Variants in CDH13 observed in about 807,000 individuals in gnomAD.
CDH13 encodes the protein cadherin 13.
Under a neutral mutation model 63.8 loss-of-function variants are expected in CDH13, and 24 were observed. The ratio of observed to expected loss-of-function variants is 0.38; its 90% CI spans 0.27 to 0.53. CDH13 has a LOEUF of 0.53. Ranked by LOEUF, CDH13 falls within the 20% of genes least tolerant of loss-of-function variation. The pLI, the probability that CDH13 is intolerant of heterozygous loss-of-function variation, is 0.85. For synonymous variants in CDH13, 503 were observed against 355.3 expected (o/e 1.42, Z -4.67); for missense variants, 1,049 against 903.1 (o/e 1.16, Z -2.07).
chr16:82,813,239 C>T (rs963283857), intron 1 of CDH13, among the ~76,000 whole-genome samples: 2 of 150,278 alleles, frequency 1.3e-5, no homozygotes, highest in African/African-American at 4.9e-5. Context: ...GGGCTCTGGA[C>T]AATAAAAAAA....
chr16:83,362,318 G>A (rs550196554), intron 6 of CDH13, among the ~76,000 whole-genome samples: 6 of 152,314 alleles, frequency 3.9e-5, no homozygotes, highest in South Asian at 2.1e-4. Context: ...TCACAGCCGC[G>A]TGTATGAGCT....
chr16:82,973,662 C>A (rs551836074), intron 2 of CDH13, among the ~76,000 whole-genome samples: 2 of 152,148 alleles, frequency 1.3e-5, no homozygotes, highest in African/African-American at 4.8e-5. Context: ...GAGGCTGCAG[C>A]GGGTCAAGGA....
intron 13 of CDH13, among the ~76,000 whole-genome samples, chr16:83,794,738 G>C (rs1414220096): frequency 6.6e-6 from 1 of 152,026 alleles, no homozygotes; most frequent in Non-Finnish European, 1.5e-5. Flanking sequence ...GAGAGACAAA[G>C]ACATAAGGCT....
chr16:83,537,646 GAA>G (rs11363624), intron 7 of CDH13, among the ~76,000 whole-genome samples: 1 of 151,192 alleles, frequency 6.6e-6, no homozygotes, highest in Non-Finnish European at 1.5e-5. Flanking sequence ...TGTTCTACAG[GAA>G]AAAAAAAGTG....
chr16:83,244,089 G>C (rs1430447067), intron 5 of CDH13, among the ~76,000 whole-genome samples: 2 of 151,842 alleles, frequency 1.3e-5, no homozygotes, highest in Non-Finnish European at 2.9e-5. Context: ...CGAGCTTTCT[G>C]CTTGGTGAAG....
intron 2 of CDH13, among the ~76,000 whole-genome samples, chr16:83,014,171 A>G (rs1324399589): frequency 1.3e-5 from 2 of 152,140 alleles, no homozygotes; most frequent in Non-Finnish European, 2.9e-5. Flanking sequence ...AATTGCCGAT[A>G]TTATAAAACA....
chr16:83,525,912 G>A (rs1403573822), intron 7 of CDH13, among the ~76,000 whole-genome samples: 2 of 152,154 alleles, frequency 1.3e-5, no homozygotes, highest in Non-Finnish European at 2.9e-5. Context: ...AAGGAACATG[G>A]GCAGTCCCAA....
intron 5 of CDH13, among the ~76,000 whole-genome samples, chr16:83,232,546 AAACAAAC>A (rs746533819): frequency 4.0e-5 from 4 of 99,192 alleles, no homozygotes; most frequent in Admixed American, 8.9e-5. Context: ...CAACAACAAC[AAACAAAC>A]AAAAAAAAAA....
chr16:83,518,951 T>G (rs1435416264), intron 7 of CDH13, among the ~76,000 whole-genome samples: 1 of 152,204 alleles, frequency 6.6e-6, no homozygotes, highest in African/African-American at 2.4e-5. Flanking sequence ...GTCTCTGGTA[T>G]GTCTTTATTA....
chr16:82,658,024 T>C (rs536197716), intron 1 of CDH13, among the ~76,000 whole-genome samples: 1 of 152,236 alleles, frequency 6.6e-6, no homozygotes, highest in East Asian at 1.9e-4. Context: ...TTTCCTACCA[T>C]GAAGTGTGAT....
At chr16:83,491,247 C>A (rs569384937) in intron 7 of CDH13, among the ~76,000 whole-genome samples, 2 of 152,270 alleles carry the variant, frequency 1.3e-5, no homozygotes, top group South Asian at 4.1e-4. Flanking sequence ...AGTATCTGTG[C>A]CTCTTGCTTA....
chr16:83,349,339 T>C (rs995038787), intron 6 of CDH13, among the ~76,000 whole-genome samples: 1 of 152,196 alleles, frequency 6.6e-6, no homozygotes, highest in African/African-American at 2.4e-5. Flanking sequence ...TTGAAATTCC[T>C]GGAGGGCACT....
intron 1 of CDH13, among the ~76,000 whole-genome samples, chr16:82,818,336 T>C (rs1462053): frequency 0.78 from 118,052 of 152,062 alleles, 46,078 homozygotes; most frequent in East Asian, 0.94. Context: ...GACTAAAAGA[T>C]AAAAAAGACC....
At chr16:83,330,769 C>A (rs1367649778) in intron 5 of CDH13, among the ~76,000 whole-genome samples, 1 of 152,170 alleles carries the variant, frequency 6.6e-6, no homozygotes, top group South Asian at 2.1e-4. Flanking sequence ...ACTCCTCATA[C>A]GAAGGTTGGA....
intron 6 of CDH13, among the ~76,000 whole-genome samples, chr16:83,376,582 G>A (rs966429199): frequency 6.6e-6 from 1 of 152,184 alleles, no homozygotes; most frequent in East Asian, 1.9e-4. Context: ...ATGGGTAGGA[G>A]AGAGGAACAT....
At chr16:83,430,993 A>G (rs1477956737) in intron 6 of CDH13, among the ~76,000 whole-genome samples, 1 of 110,460 alleles carries the variant, frequency 9.1e-6, no homozygotes, top group Non-Finnish European at 1.8e-5. Flanking sequence ...ACAGTCCCCA[A>G]AGTGTGATGT....
At chr16:83,426,653 C>T (rs1322378765) in intron 6 of CDH13, among the ~76,000 whole-genome samples, 1 of 152,044 alleles carries the variant, frequency 6.6e-6, no homozygotes, top group Admixed American at 6.6e-5. Context: ...TGCTGTGCAC[C>T]AGCCTACATC....
chr16:83,677,469 C>T (rs775746038), intron 9 of CDH13, among the ~76,000 whole-genome samples: 1 of 151,754 alleles, frequency 6.6e-6, no homozygotes, highest in Non-Finnish European at 1.5e-5. Context: ...GTAGAGCCCT[C>T]GAGTCAATTG....
At chr16:82,773,685 C>G (rs2035362234) in intron 1 of CDH13, among the ~76,000 whole-genome samples, 1 of 152,164 alleles carries the variant, frequency 6.6e-6, no homozygotes, top group Non-Finnish European at 1.5e-5. Context: ...TATGAAGTAA[C>G]TGACCTGAAG....
Sources: allele counts gnomAD v4.1 joint callset (sites outside exome capture counted in the v4.1 genomes callset), GRCh38; gene constraint gnomAD v4.1.1; transcripts MANE v1.5; gene names NCBI Gene and HGNC (gene_info 2026-07-23, HGNC 2026-07-21).